ATP11C: variants seen among roughly 807,000 people sequenced by gnomAD.
ATP11C encodes ATPase phospholipid transporting 11C (ATP11C blood group).
A neutral mutation model predicts 97.4 loss-of-function variants in ATP11C; 36 were observed. That is an observed-to-expected ratio of 0.37 (90% CI 0.28 to 0.49). The LOEUF (loss-of-function observed/expected upper bound fraction) is 0.49. ATP11C is among the 20% of genes least tolerant of loss of function. ATP11C has a pLI of 0.98. For missense variants in ATP11C, 730 were observed against 824.6 expected, an observed-to-expected ratio of 0.89 and a Z score of 1.40; for synonymous variants, 275 against 290.9, an observed-to-expected ratio of 0.95 and a Z score of 0.56.
intron 6 of ATP11C, among the ~76,000 whole-genome samples, chrX:139,803,685 C>CT (rs140315105): frequency 0.035 from 1,351 of 38,215 alleles, 414 homozygotes; most frequent in Non-Finnish European, 0.048. Context: ...TACACCCTAT[C>CT]TTTTTTTTTT....
chrX:139,932,171 C>G lies in ATP11C; in HGVS notation c.-129G>C, dbSNP rs1458882980. 1 of 509,398 alleles carries G rather than the reference C, an allele frequency of 2.0e-6. No homozygotes were observed. Among genetic ancestry groups the G allele is most frequent in the Non-Finnish European group, 2.6e-6 (1 of 390,206 alleles). The allele number at this position is 509,398 out of a possible 1,213,427, so 42.0% of individuals were successfully genotyped here. On this transcript the variant is annotated 5_prime_UTR_variant, in exon 1 of 30. Coordinates refer to ENST00000682941, the MANE Select transcript of ATP11C (RefSeq NM_001353812.2). ...CAGCGAGGCGGGCGGCCGGGCCACCCGCTCGCCGCCTGCCCCCCTCGGCTC... is the reference window on the plus strand; with the variant it reads ...CAGCGAGGCGGGCGGCCGGGCCACCGGCTCGCCGCCTGCCCCCCTCGGCTC...
intron 4 of ATP11C, 51 bp from the exon 5 acceptor site, chrX:139,815,036 T>G (rs2083257195): frequency 1.3e-6 from 1 of 754,686 alleles, no homozygotes; most frequent in Admixed American, 3.5e-5. Context: ...GAAATAAAGC[T>G]GTTAATAAAT....
At chrX:139,807,172 T>G (rs2083061863) in intron 5 of ATP11C, among the ~76,000 whole-genome samples, 2 of 110,902 alleles carry the variant, frequency 1.8e-5, no homozygotes, top group Admixed American at 9.6e-5. Context: ...GAAATAGCAG[T>G]CTACCACTGG....
At chrX:139,821,545 A>G (rs926648729) in intron 2 of ATP11C, among the ~76,000 whole-genome samples, 1 of 112,731 alleles carries the variant, frequency 8.9e-6, no homozygotes, top group African/African-American at 3.2e-5. Context: ...TTACAGAGTC[A>G]TCTGTGAAAG....
intron 22 of ATP11C, among the ~76,000 whole-genome samples, chrX:139,761,696 T>G (rs1428794076): frequency 1.8e-5 from 2 of 111,355 alleles, no homozygotes; most frequent in Non-Finnish European, 3.8e-5. Flanking sequence ...CTCATGGAAC[T>G]GTACACTTTT....
At position 139,772,451 on chromosome X, in the gene ATP11C, C is replaced by T. The variant is rs771011098; in HGVS notation, c.2216+2239G>A. On this transcript the variant is annotated intron_variant, in intron 19 of 29. Coordinates refer to ENST00000682941, the MANE Select transcript of ATP11C (RefSeq NM_001353812.2). ...GAGCTATGAGAAGAGGGCCACCATCCTCCAGACCCCAGAATGGTAGATCCA... is the reference window on the plus strand; with the variant it reads ...GAGCTATGAGAAGAGGGCCACCATCTTCCAGACCCCAGAATGGTAGATCCA... Among the ~76,000 whole-genome samples, 6 of 111,460 alleles carry T rather than the reference C, an allele frequency of 5.4e-5. No individual in the cohort carries two copies. The South Asian group carries it at 2.3e-3, about 43-fold the overall frequency.
Position 139,841,845 on chromosome X carries a change from C to G in ATP11C, c.28-15022G>C, listed in dbSNP as rs780886786. Among the ~76,000 whole-genome samples, 37 of 112,032 alleles carry G rather than the reference C, an allele frequency of 3.3e-4. 1 individual carries two copies. The South Asian group carries it at 0.014, about 42-fold the overall frequency. ...GCTCTGGAGCTCAGAAACAATGGAA[C>G]CTAGTAAGGTGATTTTTTTAAGTGA... On this transcript the variant is annotated intron_variant, in intron 1 of 29. Coordinates refer to ENST00000682941, the MANE Select transcript of ATP11C (RefSeq NM_001353812.2).
At chrX:139,912,353 A>G (rs1229751075) in intron 1 of ATP11C, among the ~76,000 whole-genome samples, 2 of 110,690 alleles carry the variant, frequency 1.8e-5, no homozygotes, top group African/African-American at 6.6e-5. Flanking sequence ...CGGTGGTGGG[A>G]AGGCAAGGAG....
At chrX:139,896,546 T>C (rs939008733) in intron 1 of ATP11C, among the ~76,000 whole-genome samples, 2 of 79,810 alleles carry the variant, frequency 2.5e-5, no homozygotes, top group South Asian at 1.7e-3. Flanking sequence ...GTTAATTTTA[T>C]ACACACACAC....
chrX:139,756,285 C>A (rs1449617745), intron 23 of ATP11C, among the ~76,000 whole-genome samples: 1 of 112,120 alleles, frequency 8.9e-6, no homozygotes, highest in Non-Finnish European at 1.9e-5. Flanking sequence ...TACCATCTCA[C>A]ACCAGTCAGA....
At chrX:139,855,651 C>A (rs1333206027) in intron 1 of ATP11C, among the ~76,000 whole-genome samples, 61 of 112,160 alleles carry the variant, frequency 5.4e-4, no homozygotes, top group Non-Finnish European at 1.1e-4. Flanking sequence ...CTATTCCTGA[C>A]CATTTAGTTA....
At chrX:139,788,042 C>T in intron 14 of ATP11C, 150 bp downstream of exon 14, 1 of 477,608 alleles carries the variant, frequency 2.1e-6, no homozygotes, top group Non-Finnish European at 3.4e-6. Flanking sequence ...GGGAATTTTC[C>T]ACAAATTTTT....
At chrX:139,782,785 A>C (rs1037179397) in intron 17 of ATP11C, 57 bp from the exon 18 acceptor site, 9 of 892,224 alleles carry the variant, frequency 1.0e-5, no homozygotes, top group African/African-American at 8.2e-5. Context: ...AAAAAAAAAA[A>C]ACACACTCTG....
chrX:139,797,147 G>A, intron 11 of ATP11C, 29 bp downstream of exon 11: 1 of 1,191,174 alleles, frequency 8.4e-7, no homozygotes, highest in Non-Finnish European at 1.1e-6. Flanking sequence ...ACAAAAAATA[G>A]TTTCAATTTT....
chrX:139,762,223 T>A, intron 21 of ATP11C, 117 bp from the exon 22 acceptor site: 1 of 622,962 alleles, frequency 1.6e-6, no homozygotes, highest in Non-Finnish European at 2.4e-6. Context: ...TTAGTTTTCC[T>A]TTTTTAAAAA....
intron 1 of ATP11C, among the ~76,000 whole-genome samples, chrX:139,931,670 C>G (rs1437432071): frequency 8.9e-6 from 1 of 112,082 alleles, no homozygotes; most frequent in East Asian, 2.8e-4. Context: ...GAATAAAACG[C>G]CATCTTCGAC....
At chrX:139,829,116 T>C (rs146651044) in intron 1 of ATP11C, among the ~76,000 whole-genome samples, 101 of 111,761 alleles carry the variant, frequency 9.0e-4, no homozygotes, top group African/African-American at 3.2e-3. Context: ...CCGGCAGTGA[T>C]TGCTGTTAGA....
intron 1 of ATP11C, among the ~76,000 whole-genome samples, chrX:139,907,134 A>T (rs187647255): frequency 7.2e-5 from 8 of 110,870 alleles, no homozygotes; most frequent in African/African-American, 2.6e-4. Flanking sequence ...ATCACAGGAG[A>T]TATTACAATT....
chrX:139,757,691 C>T, intron 23 of ATP11C, 117 bp downstream of exon 23: 1 of 441,491 alleles, frequency 2.3e-6, no homozygotes, highest in Non-Finnish European at 3.6e-6. Flanking sequence ...GTTGTCAAAA[C>T]CAAGAGATCA....
Sources: allele counts gnomAD v4.1 joint callset (sites outside exome capture counted in the v4.1 genomes callset), GRCh38; gene constraint gnomAD v4.1.1; transcripts MANE v1.5; gene names NCBI Gene and HGNC (gene_info 2026-07-23, HGNC 2026-07-21).